Variants in CCM2 observed in about 807,000 individuals in gnomAD.
CCM2 encodes CCM2 scaffold protein.
In CCM2, 25 loss-of-function variants were observed where a neutral mutation model predicts 44.9. That is an observed-to-expected ratio of 0.56 (90% CI 0.41 to 0.78). CCM2 has a LOEUF of 0.78. Ranked by LOEUF, CCM2 falls within the 30% of genes least tolerant of loss-of-function variation. The pLI, the probability that CCM2 is intolerant of heterozygous loss-of-function variation, is 0.00. For synonymous variants in CCM2, 219 were observed against 241.1 expected, an observed-to-expected ratio of 0.91 and a Z score of 0.85; for missense variants, 481 against 580.6, an observed-to-expected ratio of 0.83 and a Z score of 1.76.
At chr7:45,030,451 C>T (rs1796909371) in intron 1 of CCM2, among the ~76,000 whole-genome samples, 1 of 152,148 alleles carries the variant, frequency 6.6e-6, no homozygotes, top group Admixed American at 6.5e-5. Context: ...TCCCTCGTTC[C>T]TTCCAGACAG....
intron 1 of CCM2, among the ~76,000 whole-genome samples, chr7:45,007,812 A>T (rs1795903881): frequency 6.6e-6 from 1 of 152,096 alleles, no homozygotes; most frequent in Non-Finnish European, 1.5e-5. Flanking sequence ...CTTAAGGGAA[A>T]CCTAGTTGAG....
chr7:45,012,682 G>A (rs916357730), intron 1 of CCM2, among the ~76,000 whole-genome samples: 2 of 151,798 alleles, frequency 1.3e-5, no homozygotes, highest in African/African-American at 4.8e-5. Context: ...AGCCTCCCAG[G>A]TAGCTGGGAG....
intron 6 of CCM2, chr7:45,071,279 GC>G (rs1244525778): frequency 6.6e-6 from 1 of 152,464 alleles, no homozygotes; most frequent in Non-Finnish European, 1.5e-5. Flanking sequence ...TTCCCAAAGG[GC>G]CTTTTTTTCT....
At chr7:45,065,411 G>A (rs1798725183) in intron 4 of CCM2, among the ~76,000 whole-genome samples, 1 of 152,216 alleles carries the variant, frequency 6.6e-6, no homozygotes. Context: ...TGGTGACTGG[G>A]TTGATCCCAA....
intron 2 of CCM2, among the ~76,000 whole-genome samples, chr7:45,040,446 A>G (rs897816527): frequency 2.0e-5 from 3 of 152,168 alleles, no homozygotes; most frequent in African/African-American, 7.2e-5. Context: ...TAAACAAAAG[A>G]TGAGAAAGAG....
At chr7:45,028,580 C>CT (rs750474924) in intron 1 of CCM2, among the ~76,000 whole-genome samples, 47 of 152,094 alleles carry the variant, frequency 3.1e-4, no homozygotes, top group Non-Finnish European at 6.0e-4. Flanking sequence ...TCACTTGAAC[C>CT]CGGGAGGTGG....
In CCM2 at chr7:45,035,198, G is replaced by A. The variant is rs147701457; in HGVS notation, c.31-3055G>A. Among the ~76,000 whole-genome samples, 219 of 152,294 alleles carry A rather than the reference G, an allele frequency of 1.4e-3. 1 individual carries two copies. The highest frequency in any genetic ancestry group is 4.9e-3 in the African/African-American group (203 of 41,562). On this transcript the variant is annotated intron_variant, in intron 1 of 9. Coordinates refer to ENST00000258781, the MANE Select transcript of CCM2 (RefSeq NM_031443.4). Reference sequence around the variant, plus strand: ...AGCGGATCATCTTGTAAGGATGTTGGTGATCTTAATTTTTTATGCTTTTAT... The same window carrying A: ...AGCGGATCATCTTGTAAGGATGTTGATGATCTTAATTTTTTATGCTTTTAT...
intron 1 of CCM2, among the ~76,000 whole-genome samples, chr7:45,022,631 G>T (rs1348759223): frequency 6.6e-6 from 1 of 151,486 alleles, no homozygotes; most frequent in Non-Finnish European, 1.5e-5. Context: ...CTGATGAATT[G>T]CTTTTCTTTT....
At chr7:45,013,736 T>C (rs1796153274) in intron 1 of CCM2, among the ~76,000 whole-genome samples, 1 of 152,242 alleles carries the variant, frequency 6.6e-6, no homozygotes, top group African/African-American at 2.4e-5. Flanking sequence ...TTAGGCTCTT[T>C]GAACTTGAAA....
At chr7:45,042,265 CAA>C (rs71565940) in intron 2 of CCM2, among the ~76,000 whole-genome samples, 1 of 102,418 alleles carries the variant, frequency 9.8e-6, no homozygotes, top group African/African-American at 4.8e-5. Flanking sequence ...GATTCCATCT[CAA>C]AAAAAAAAGG....
At position 45,034,709 on chromosome 7, in the gene CCM2, G is replaced by A. The variant is rs202064945; in HGVS notation, c.31-3544G>A. Among the ~76,000 whole-genome samples the A allele has an allele frequency of 6.7e-4, 102 of 151,124 alleles. 1 individual carries two copies. In the East Asian group the frequency reaches 9.3e-3, roughly 14 times the overall value. Reference sequence around the variant, plus strand: ...AATTTTTGTTATTTTTAGTAGAGACGGAGTTTCACCATCTTGGCCAGGCTG... The same window carrying A: ...AATTTTTGTTATTTTTAGTAGAGACAGAGTTTCACCATCTTGGCCAGGCTG... On this transcript the variant is annotated intron_variant, in intron 1 of 9. Coordinates refer to ENST00000258781, the MANE Select transcript of CCM2 (RefSeq NM_031443.4).
intron 2 of CCM2, among the ~76,000 whole-genome samples, chr7:45,044,135 T>C (rs1797642557): frequency 6.6e-6 from 1 of 152,156 alleles, no homozygotes; most frequent in Non-Finnish European, 1.5e-5. Flanking sequence ...TTTTTTTGTT[T>C]TGTTTTGTTT....
At chr7:45,060,422 T>G (rs753955829) in intron 2 of CCM2, among the ~76,000 whole-genome samples, 2 of 152,254 alleles carry the variant, frequency 1.3e-5, no homozygotes, top group Non-Finnish European at 2.9e-5. Flanking sequence ...TTTGCCTCAG[T>G]GTAAATTACC....
chr7:45,011,372 T>C (rs1796061387), intron 1 of CCM2, among the ~76,000 whole-genome samples: 2 of 151,994 alleles, frequency 1.3e-5, no homozygotes, highest in East Asian at 3.9e-4. Flanking sequence ...AATTTTTGTA[T>C]TTTTAGTAGA....
At chr7:45,029,319 C>T (rs996851336) in intron 1 of CCM2, 1 of 152,000 alleles carries the variant, frequency 6.6e-6, no homozygotes, top group Non-Finnish European at 1.5e-5. Flanking sequence ...TAGATAAAAC[C>T]CACCTTGTAG....
intron 4 of CCM2, 98 bp downstream of exon 4, chr7:45,064,744 T>A: frequency 8.1e-7 from 1 of 1,236,644 alleles, no homozygotes; most frequent in Non-Finnish European, 1.2e-6. Context: ...TCGTGTTGGG[T>A]GCTGCTGTTT....
chr7:45,031,494 C>T (rs868099483), intron 1 of CCM2, among the ~76,000 whole-genome samples: 7 of 152,004 alleles, frequency 4.6e-5, no homozygotes, highest in Admixed American at 3.3e-4. Context: ...TTCTCTCCCC[C>T]CAGTCTTTCA....
At position 45,034,219 on chromosome 7, in the gene CCM2, T is replaced by G. The variant is rs144380758; in HGVS notation, c.31-4034T>G. Among the ~76,000 whole-genome samples, 1,217 of 152,170 alleles carry G rather than the reference T, an allele frequency of 8.0e-3. 17 individuals carry two copies. The highest frequency in any genetic ancestry group is 0.027 in the African/African-American group (1,135 of 41,466). On this transcript the variant is annotated intron_variant, in intron 1 of 9. Transcript: ENST00000258781. ...GCTCTTATGGAAGCACTTTTTTTTT[T>G]TTTTGTTTTGAGACGGAGTCTCTCT...
chr7:45,057,633 G>A (rs922763977), intron 2 of CCM2, among the ~76,000 whole-genome samples: 3 of 152,190 alleles, frequency 2.0e-5, no homozygotes, highest in African/African-American at 4.8e-5. Flanking sequence ...ATAGGAAGAG[G>A]ATGGAAAGGC....
Sources: gnomAD v4.1 joint callset for allele counts (sites outside exome capture counted in the v4.1 genomes callset) on GRCh38, gnomAD v4.1.1 for gene constraint, MANE v1.5 for transcripts, NCBI Gene and HGNC (gene_info 2026-07-23, HGNC 2026-07-21) for gene names.